Variants in CMKLR1 observed in about 807,000 individuals in gnomAD.
CMKLR1 encodes chemerin chemokine-like receptor 1.
Under a neutral mutation model 8.2 loss-of-function variants are expected in CMKLR1, and 6 were observed. The ratio of observed to expected loss-of-function variants is 0.73; its 90% CI spans 0.40 to 1.44. The LOEUF is 1.44. Among genes scored for constraint, CMKLR1 ranks in the 40% most tolerant of loss-of-function variants. The probability of loss-of-function intolerance (pLI) is 0.02; values close to 1 mark genes in which losing one functional copy is unlikely to be tolerated. For missense variants in CMKLR1, 429 were observed against 478.0 expected (o/e 0.90, Z 0.96); for synonymous variants, 178 against 181.2 (o/e 0.98, Z 0.14).
chr12:108,301,834 C>G (rs867180124), intron 2 of CMKLR1, among the ~76,000 whole-genome samples: 1 of 152,256 alleles, frequency 6.6e-6, no homozygotes, highest in Middle Eastern at 3.4e-3. Flanking sequence ...GTTTGGGAAT[C>G]CAGCCTCCAC....
chr12:108,325,364 G>T (rs1891958385), intron 2 of CMKLR1, among the ~76,000 whole-genome samples: 1 of 152,142 alleles, frequency 6.6e-6, no homozygotes, highest in African/African-American at 2.4e-5. Flanking sequence ...ATCGTGGCTG[G>T]GGATATGGGT....
Position 108,310,419 on chromosome 12 carries a change from G to C in CMKLR1, c.-73-16755C>G, listed in dbSNP as rs556826152. On this transcript the variant is annotated intron_variant, in intron 2 of 3. Transcript: ENST00000550402. Reference sequence around the variant, plus strand: ...AAGGCTGGAGGCAGGAGAATAGCAAGAGGCCTGGTGAACTGAGGATCCTTC... The same window carrying C: ...AAGGCTGGAGGCAGGAGAATAGCAACAGGCCTGGTGAACTGAGGATCCTTC... Among the ~76,000 whole-genome samples the C allele has an allele frequency of 5.3e-5, 8 of 152,302 alleles. No individual in the cohort carries two copies. The South Asian group carries it at 1.7e-3, about 32-fold the overall frequency.
chr12:108,331,589 G>A (rs941146375), intron 1 of CMKLR1, among the ~76,000 whole-genome samples: 1 of 152,214 alleles, frequency 6.6e-6, no homozygotes, highest in South Asian at 2.1e-4. Flanking sequence ...CTGTAAATAT[G>A]TCATCCTACA....
rs1890942514 is a variant in CMKLR1, at chr12:108,290,774, T to A, written c.*1067A>T. 6.6e-6 allele frequency: 1 copy of A among 152,226 alleles called. No homozygotes were observed. The highest frequency in any genetic ancestry group is 1.5e-5 in the Non-Finnish European group (1 of 68,050). 9.4% of individuals were successfully genotyped at this position (152,226 alleles called of 1,614,324 possible). On this transcript the variant is annotated 3_prime_UTR_variant, in exon 4 of 4. Transcript: ENST00000550402. ...AAGGAGTCCAGCTCCAGACTCTGTC[T>A]CAAGTGACTGAGTCCTCGGACATAC...
At chr12:108,304,609 C>CTTTGT (rs910355979) in intron 2 of CMKLR1, among the ~76,000 whole-genome samples, 4 of 152,178 alleles carry the variant, frequency 2.6e-5, no homozygotes, top group Non-Finnish European at 5.9e-5. Flanking sequence ...GTTTGCCTCT[C>CTTTGT]TTTGTTCCTG....
chr12:108,317,067 G>A (rs1891753160), intron 2 of CMKLR1, among the ~76,000 whole-genome samples: 1 of 152,148 alleles, frequency 6.6e-6, no homozygotes, highest in Non-Finnish European at 1.5e-5. Context: ...CCTTCCAAAG[G>A]GCTGGGAATA....
chr12:108,325,328 G>A (rs1396975745), intron 2 of CMKLR1, among the ~76,000 whole-genome samples: 1 of 152,198 alleles, frequency 6.6e-6, no homozygotes, highest in African/African-American at 2.4e-5. Flanking sequence ...GAAGATCAGA[G>A]CCACAGAGCT....
At chr12:108,321,176 T>C (rs1891853021) in intron 2 of CMKLR1, among the ~76,000 whole-genome samples, 1 of 152,154 alleles carries the variant, frequency 6.6e-6, no homozygotes, top group Non-Finnish European at 1.5e-5. Context: ...TGATTCCCAT[T>C]CTCCTGAGAG....
chr12:108,292,302 T>C lies in CMKLR1; in HGVS notation c.661A>G (p.Thr221Ala). 2.5e-6 allele frequency: 4 copies of C among 1,614,118 alleles called. No individual in the cohort carries two copies. Among genetic ancestry groups the C allele is most frequent in the Non-Finnish European group, 2.5e-6 (3 of 1,180,018 alleles). The change falls in exon 4 of 4, where the codon ACT (threonine) becomes GCT (alanine). Residue 221 changes from threonine to alanine, a missense_variant. Transcript: ENST00000550402. ...AAGCCACAGAGGAAGCGGGTGACAG[T>C]CACCACCATGTGCCGGCTATACCCC... ...PVGYSRHMVV[T>A]VTRFLCGFLV... is the part of the protein sequence containing the mutation.
In CMKLR1 at chr12:108,300,963, G is replaced by A. The variant is rs560135308; in HGVS notation, c.-73-7299C>T. Among the ~76,000 whole-genome samples, 26 of 152,160 alleles carry A rather than the reference G, an allele frequency of 1.7e-4. No homozygotes were observed. In the South Asian group the frequency reaches 2.5e-3, roughly 15 times the overall value. ...CAGGGAGGGACACAGAGGCTCAGGGGGTGAAAAAAGCCCTACAAAGCACGT... is the reference window on the plus strand; with the variant it reads ...CAGGGAGGGACACAGAGGCTCAGGGAGTGAAAAAAGCCCTACAAAGCACGT... On this transcript the variant is annotated intron_variant, in intron 2 of 3. Coordinates refer to ENST00000550402, the MANE Select transcript of CMKLR1 (RefSeq NM_001142343.2).
intron 1 of CMKLR1, among the ~76,000 whole-genome samples, chr12:108,336,854 C>T (rs532273672): frequency 6.6e-5 from 10 of 152,254 alleles, no homozygotes; most frequent in African/African-American, 2.4e-4. Context: ...TTTATAGAGA[C>T]CTTATTTTAC....
intron 2 of CMKLR1, among the ~76,000 whole-genome samples, chr12:108,306,896 C>A (rs1331760756): frequency 6.6e-6 from 1 of 152,166 alleles, no homozygotes; most frequent in Admixed American, 6.5e-5. Flanking sequence ...CACAGAAGGT[C>A]CCCAGCAAGA....
intron 2 of CMKLR1, among the ~76,000 whole-genome samples, chr12:108,319,957 C>T (rs962953561): frequency 1.3e-5 from 2 of 152,006 alleles, no homozygotes; most frequent in Non-Finnish European, 2.9e-5. Context: ...GATATAGTTC[C>T]CACTCCCAAG....
At chr12:108,302,395 T>C (rs1178199173) in intron 2 of CMKLR1, among the ~76,000 whole-genome samples, 1 of 152,188 alleles carries the variant, frequency 6.6e-6, no homozygotes, top group Non-Finnish European at 1.5e-5. Context: ...CGTTTTTGGA[T>C]ATGTCTTCTT....
At chr12:108,329,832 C>CT (rs1244325864) in intron 2 of CMKLR1, among the ~76,000 whole-genome samples, 163 bp downstream of exon 2, 1 of 152,172 alleles carries the variant, frequency 6.6e-6, no homozygotes, top group Non-Finnish European at 1.5e-5. Flanking sequence ...TAAACAAATC[C>CT]TTTTTGAGTT....
intron 1 of CMKLR1, among the ~76,000 whole-genome samples, chr12:108,337,245 A>C (rs1892248969): frequency 6.6e-6 from 1 of 152,162 alleles, no homozygotes; most frequent in South Asian, 2.1e-4. Context: ...TAGTACCTTC[A>C]TCATGTGGCC....
At chr12:108,296,133 G>A (rs898028594) in intron 2 of CMKLR1, among the ~76,000 whole-genome samples, 9 of 152,124 alleles carry the variant, frequency 5.9e-5, no homozygotes, top group Non-Finnish European at 1.3e-4. Context: ...CCTGTCCTGA[G>A]CACATTTCTG....
At chr12:108,328,339 G>T (rs1234551025) in intron 2 of CMKLR1, among the ~76,000 whole-genome samples, 1 of 152,122 alleles carries the variant, frequency 6.6e-6, no homozygotes, top group Admixed American at 6.5e-5. Context: ...TCCCCACCAG[G>T]CAAGCCCCCT....
chr12:108,328,248 C>T (rs7296628), intron 2 of CMKLR1, among the ~76,000 whole-genome samples: 39,748 of 152,110 alleles, frequency 0.26, 6,120 homozygotes, highest in African/African-American at 0.4. Context: ...AAGCCTGGAA[C>T]GAAACTATGA....
Sources: allele counts gnomAD v4.1 joint callset (sites outside exome capture counted in the v4.1 genomes callset), GRCh38; gene constraint gnomAD v4.1.1; transcripts MANE v1.5; gene names NCBI Gene and HGNC (gene_info 2026-07-23, HGNC 2026-07-21).